Variants in NAV2 observed in about 807,000 individuals in gnomAD.
NAV2 encodes helicase, APC down-regulated 1.
In NAV2, 54 loss-of-function variants were observed where a neutral mutation model predicts 223.2. The observed-to-expected ratio is 0.24, with a 90% CI of 0.19 to 0.30. NAV2 has a LOEUF of 0.30. NAV2 is among the 10% of genes least tolerant of loss of function. The pLI is 1.00. For synonymous variants in NAV2, 1,279 were observed against 1,239.3 expected (o/e 1.03, Z -0.67); for missense variants, 2,806 against 3,147.5 (o/e 0.89, Z 2.60).
intron 1 of NAV2, among the ~76,000 whole-genome samples, chr11:19,807,049 T>G (rs1813154079): frequency 6.6e-6 from 1 of 152,106 alleles, no homozygotes. Context: ...GATGCACAGC[T>G]AGAATTGAGA....
At chr11:19,478,170 A>G (rs1231132686) in intron 1 of NAV2, among the ~76,000 whole-genome samples, 3 of 152,212 alleles carry the variant, frequency 2.0e-5, no homozygotes, top group Non-Finnish European at 4.4e-5. Context: ...CAGGGGAGAG[A>G]TAGTAGGTCA....
chr11:19,752,799 G>C (rs1414842602), intron 1 of NAV2, among the ~76,000 whole-genome samples: 1 of 152,040 alleles, frequency 6.6e-6, no homozygotes, highest in African/African-American at 2.4e-5. Context: ...ACAAACAGTG[G>C]TTATTCTCAT....
At chr11:20,036,933 G>A (rs1203630859) in intron 12 of NAV2, among the ~76,000 whole-genome samples, 1 of 152,160 alleles carries the variant, frequency 6.6e-6, no homozygotes, top group African/African-American at 2.4e-5. Flanking sequence ...ATGTGGTGTA[G>A]TTTCATGTGG....
intron 9 of NAV2, 60 bp from the exon 10 acceptor site, chr11:19,948,631 A>G (rs1565622422): frequency 4.7e-6 from 7 of 1,476,692 alleles, no homozygotes; most frequent in Middle Eastern, 1.8e-4. Context: ...ATTAAAGAAC[A>G]TATAAACTGT....
At chr11:19,814,747 TG>T in intron 1 of NAV2, among the ~76,000 whole-genome samples, 1 of 152,126 alleles carries the variant, frequency 6.6e-6, no homozygotes, top group Non-Finnish European at 1.5e-5. Flanking sequence ...ACTCCAGACT[TG>T]AGCCACCATG....
At chr11:19,579,262 A>G (rs1015035249) in intron 1 of NAV2, among the ~76,000 whole-genome samples, 1 of 152,230 alleles carries the variant, frequency 6.6e-6, no homozygotes, top group East Asian at 1.9e-4. Context: ...CTTATTTTGC[A>G]GGACTATTAT....
intron 3 of NAV2, among the ~76,000 whole-genome samples, chr11:19,854,434 T>A (rs2061315433): frequency 1.3e-5 from 2 of 152,146 alleles, no homozygotes; most frequent in African/African-American, 4.8e-5. Flanking sequence ...ATGCCAACAG[T>A]TAGATAAAAA....
At chr11:19,449,085 G>A (rs983216827) in intron 1 of NAV2, among the ~76,000 whole-genome samples, 4 of 152,098 alleles carry the variant, frequency 2.6e-5, no homozygotes, top group Admixed American at 6.5e-5. Context: ...GAAATTGAGC[G>A]ATTATTTTTG....
At chr11:19,662,937 C>G (rs559677206) in intron 1 of NAV2, among the ~76,000 whole-genome samples, 1 of 152,312 alleles carries the variant, frequency 6.6e-6, no homozygotes, top group South Asian at 2.1e-4. Context: ...AGCTTGAGTG[C>G]CACATTCCAT....
At position 19,600,978 on chromosome 11, in the gene NAV2, G is replaced by T. The variant is rs1319148745; in HGVS notation, c.76-231506G>T. Among the ~76,000 whole-genome samples the T allele has an allele frequency of 2.0e-5, 3 of 152,278 alleles. No individual in the cohort carries two copies. In the East Asian group the frequency reaches 5.8e-4, roughly 29 times the overall value. Reference sequence around the variant, plus strand: ...GAAAGCACTTTCTAAACTGTAAAGTGCTCCACAGAAGCTTTGTTTATATAC... The same window carrying T: ...GAAAGCACTTTCTAAACTGTAAAGTTCTCCACAGAAGCTTTGTTTATATAC... On this transcript the variant is annotated intron_variant, in intron 1 of 37. Coordinates refer to the NAV2 transcript ENST00000360655.
At chr11:19,439,664 G>A (rs1000091256) in intron 1 of NAV2, among the ~76,000 whole-genome samples, 4 of 152,128 alleles carry the variant, frequency 2.6e-5, no homozygotes, top group African/African-American at 9.7e-5. Context: ...TCACATATTT[G>A]GCTCCTTAAT....
intron 1 of NAV2, among the ~76,000 whole-genome samples, chr11:19,388,540 C>T (rs551352806): frequency 6.6e-6 from 1 of 152,228 alleles, no homozygotes; most frequent in East Asian, 1.9e-4. Context: ...GTAATCTTCA[C>T]AGAAAGATTG....
At chr11:19,385,054 G>A (rs1464372804) in intron 1 of NAV2, 2 of 152,286 alleles carry the variant, frequency 1.3e-5, no homozygotes, top group East Asian at 1.9e-4. Flanking sequence ...AGAGATATGA[G>A]AATGACTATT....
At chr11:19,751,851 C>G (rs767842319) in intron 1 of NAV2, among the ~76,000 whole-genome samples, 1 of 152,164 alleles carries the variant, frequency 6.6e-6, no homozygotes, top group East Asian at 1.9e-4. Context: ...ATAAGTGAAT[C>G]TCAGCTGTAT....
chr11:19,396,030 C>G (rs915135929), intron 1 of NAV2, among the ~76,000 whole-genome samples: 1 of 152,106 alleles, frequency 6.6e-6, no homozygotes, highest in Non-Finnish European at 1.5e-5. Flanking sequence ...GGTGATAATG[C>G]CTACCTCCTG....
Position 19,879,858 on chromosome 11 carries a change from T to C in NAV2, c.512-11T>C. ...TCCCCATCTGACAAGAGTCTCTTTA[T>C]TGTCTTGCAGAGATCAGGAATGGAA... On this transcript the variant is annotated splice_polypyrimidine_tract_variant and intron_variant, in intron 4 of 37. Coordinates refer to ENST00000349880, the MANE Select transcript of NAV2 (RefSeq NM_145117.5). The C allele has an allele frequency of 6.2e-7, 1 of 1,613,970 alleles. No homozygotes were observed. The highest frequency in any genetic ancestry group is 8.5e-7 in the Non-Finnish European group (1 of 1,180,000).
At chr11:20,013,018 A>G (rs1591656793) in intron 11 of NAV2, among the ~76,000 whole-genome samples, 1 of 152,176 alleles carries the variant, frequency 6.6e-6, no homozygotes, top group Admixed American at 6.5e-5. Flanking sequence ...AGCACAGTAA[A>G]CACCATGATA....
At chr11:20,014,764 T>G (rs2053863446) in intron 11 of NAV2, among the ~76,000 whole-genome samples, 1 of 152,126 alleles carries the variant, frequency 6.6e-6, no homozygotes, top group South Asian at 2.1e-4. Context: ...TAGCTGTGTG[T>G]GGTGGTGCAC....
intron 1 of NAV2, among the ~76,000 whole-genome samples, chr11:19,617,088 C>G (rs2046819988): frequency 6.6e-6 from 1 of 152,048 alleles, no homozygotes; most frequent in South Asian, 2.1e-4. Flanking sequence ...TATTTTCTCC[C>G]TAGAAGTCTA....
Sources: gnomAD v4.1 joint callset for allele counts (sites outside exome capture counted in the v4.1 genomes callset) on GRCh38, gnomAD v4.1.1 for gene constraint, MANE v1.5 for transcripts, NCBI Gene and HGNC (gene_info 2026-07-23, HGNC 2026-07-21) for gene names.